The following RABGAP1L variants were observed in gnomAD, a reference collection of about 807,000 sequenced individuals.
RABGAP1L encodes rab GTPase-activating protein 1-like.
In RABGAP1L, 63 loss-of-function variants were observed where a neutral mutation model predicts 137.7. The observed-to-expected ratio is 0.46, with a 90% CI of 0.37 to 0.56. The LOEUF (loss-of-function observed/expected upper bound fraction) is 0.56. Among genes scored for constraint, RABGAP1L ranks in the 20% least tolerant of loss-of-function variants. RABGAP1L has a pLI of 0.00. For synonymous variants in RABGAP1L, 431 were observed against 433.7 expected (o/e 0.99, Z 0.08); for missense variants, 1,095 against 1,244.0 (o/e 0.88, Z 1.80).
At chr1:174,824,971 A>G (rs922497951) in intron 19 of RABGAP1L, among the ~76,000 whole-genome samples, 1 of 152,222 alleles carries the variant, frequency 6.6e-6, no homozygotes, top group African/African-American at 2.4e-5. Context: ...AGAAAATTAT[A>G]TTCCTTGCTG....
chr1:174,561,237 C>T (rs1340835630), intron 13 of RABGAP1L, among the ~76,000 whole-genome samples: 2 of 152,164 alleles, frequency 1.3e-5, no homozygotes, highest in Non-Finnish European at 2.9e-5. Flanking sequence ...AGAGCCAAAT[C>T]ATGAGTGAAC....
chr1:174,440,847 C>G (rs1654048233), intron 13 of RABGAP1L, among the ~76,000 whole-genome samples: 1 of 152,072 alleles, frequency 6.6e-6, no homozygotes, highest in Non-Finnish European at 1.5e-5. Flanking sequence ...TGTGAGCTAC[C>G]CTGACTGGTC....
intron 19 of RABGAP1L, among the ~76,000 whole-genome samples, chr1:174,912,710 C>A (rs1319752049): frequency 6.6e-6 from 1 of 152,052 alleles, no homozygotes. Flanking sequence ...AAAATTTAAT[C>A]CAGATATATG....
intron 19 of RABGAP1L, among the ~76,000 whole-genome samples, chr1:174,813,236 G>A (rs766254068): frequency 1.3e-4 from 20 of 152,178 alleles, no homozygotes; most frequent in Non-Finnish European, 2.1e-4. Flanking sequence ...CTGAACCAGG[G>A]TGTTAACAGT....
intron 18 of RABGAP1L, among the ~76,000 whole-genome samples, chr1:174,803,829 T>C (rs1473271288): frequency 6.6e-6 from 1 of 152,026 alleles, no homozygotes. Context: ...TCCCAGCATG[T>C]TGGGAGGCTG....
chr1:174,559,600 T>C (rs1413797976), intron 13 of RABGAP1L, among the ~76,000 whole-genome samples: 1 of 152,194 alleles, frequency 6.6e-6, no homozygotes. Flanking sequence ...TTGAGTGAGA[T>C]TGAAAATAAG....
At chr1:174,771,764 A>G (rs923666066) in intron 18 of RABGAP1L, among the ~76,000 whole-genome samples, 2 of 152,256 alleles carry the variant, frequency 1.3e-5, no homozygotes, top group African/African-American at 2.4e-5. Flanking sequence ...ATCAATAACA[A>G]TATAATTGTG....
intron 19 of RABGAP1L, among the ~76,000 whole-genome samples, chr1:174,930,481 C>A (rs1558245871): frequency 6.6e-6 from 1 of 152,036 alleles, no homozygotes; most frequent in Non-Finnish European, 1.5e-5. Context: ...CCATGCCTGG[C>A]TAATTTTTTA....
intron 18 of RABGAP1L, among the ~76,000 whole-genome samples, chr1:174,762,458 G>A (rs1754351): frequency 0.42 from 63,312 of 152,038 alleles, 15,414 homozygotes; most frequent in Non-Finnish European, 0.54. Context: ...ACTACGTTAG[G>A]AACTTTCTGT....
intron 19 of RABGAP1L, among the ~76,000 whole-genome samples, chr1:174,920,038 C>T (rs185105883): frequency 6.6e-6 from 1 of 152,308 alleles, no homozygotes; most frequent in East Asian, 1.9e-4. Context: ...TTATTCTTCA[C>T]AACAGCCTTA....
At chr1:174,942,038 A>G (rs182751187) in intron 19 of RABGAP1L, among the ~76,000 whole-genome samples, 216 of 152,340 alleles carry the variant, frequency 1.4e-3, no homozygotes, top group Non-Finnish European at 1.9e-3. Flanking sequence ...GAACAGATCC[A>G]GCTTTGGGTC....
intron 13 of RABGAP1L, among the ~76,000 whole-genome samples, chr1:174,411,763 T>C (rs1468842743): frequency 6.6e-6 from 1 of 152,182 alleles, no homozygotes; most frequent in Non-Finnish European, 1.5e-5. Context: ...CAGGAGCAGG[T>C]CATTTAATTT....
intron 11 of RABGAP1L, among the ~76,000 whole-genome samples, chr1:174,332,024 G>A (rs59649440): frequency 0.39 from 59,110 of 151,932 alleles, 14,526 homozygotes; most frequent in African/African-American, 0.7. Context: ...CAAATTTCAT[G>A]GATTGACTTT....
chr1:174,398,711 T>A (rs539077691), intron 13 of RABGAP1L, among the ~76,000 whole-genome samples: 18 of 152,256 alleles, frequency 1.2e-4, no homozygotes, highest in Admixed American at 7.9e-4. Flanking sequence ...AAATGTTTTT[T>A]AAAAGATAGA....
chr1:174,791,113 C>T (rs1012286907), intron 18 of RABGAP1L, among the ~76,000 whole-genome samples: 1 of 151,694 alleles, frequency 6.6e-6, no homozygotes, highest in Non-Finnish European at 1.5e-5. Flanking sequence ...ATTGCTTGAA[C>T]CCAGGAGGCA....
chr1:174,733,457 A>G (rs1268739506), intron 17 of RABGAP1L, among the ~76,000 whole-genome samples: 2 of 152,090 alleles, frequency 1.3e-5, no homozygotes, highest in Non-Finnish European at 2.9e-5. Flanking sequence ...AACTTGACCA[A>G]TTTGTATTTA....
chr1:174,976,087 A>G lies in RABGAP1L; in HGVS notation c.2554A>G (p.Lys852Glu). ...LRNDLDQAED[K>E]ADVLNKELLL... ...GCACCATGATTTGCAGGCAGAAGAC[A>G]AGGCAGATGTGTTGAATAAAGAGCT... Residue 852 changes from lysine (K) to glutamate (E), a missense_variant, in exon 22 of 26, where the codon AAG becomes GAG. Transcript: ENST00000681986. The G allele has an allele frequency of 6.4e-7, 1 of 1,550,938 alleles. No homozygotes were observed. Among genetic ancestry groups the G allele is most frequent in the Non-Finnish European group, 8.7e-7 (1 of 1,146,938 alleles).
intron 18 of RABGAP1L, among the ~76,000 whole-genome samples, chr1:174,805,753 C>T (rs1197518064): frequency 1.3e-5 from 2 of 152,284 alleles, no homozygotes; most frequent in Admixed American, 6.5e-5. Flanking sequence ...TCACTCTCCT[C>T]GGCTTCCCAA....
chr1:174,603,757 C>G (rs1306719386), intron 13 of RABGAP1L, among the ~76,000 whole-genome samples: 2 of 151,904 alleles, frequency 1.3e-5, no homozygotes, highest in African/African-American at 4.8e-5. Context: ...AAGGCCCATG[C>G]AGATGATGAA....
Sources: gnomAD v4.1 joint callset for allele counts (sites outside exome capture counted in the v4.1 genomes callset) on GRCh38, gnomAD v4.1.1 for gene constraint, MANE v1.5 for transcripts, NCBI Gene and HGNC (gene_info 2026-07-23, HGNC 2026-07-21) for gene names.